FYN: variants seen among roughly 807,000 people sequenced by gnomAD.
The protein encoded by FYN is FYN proto-oncogene, Src family tyrosine kinase.
A neutral mutation model predicts 70.2 loss-of-function variants in FYN; 10 were observed. The observed-to-expected ratio is 0.14, with a 90% CI of 0.09 to 0.24. FYN has a LOEUF of 0.24. Among genes scored for constraint, FYN ranks in the 10% least tolerant of loss-of-function variants. The pLI is 1.00. For synonymous variants in FYN, 236 were observed against 248.6 expected (o/e 0.95, Z 0.48); for missense variants, 319 against 673.1 (o/e 0.47, Z 5.82).
At chr6:111,756,738 A>G (rs1297866874) in intron 3 of FYN, among the ~76,000 whole-genome samples, 1 of 152,232 alleles carries the variant, frequency 6.6e-6, no homozygotes, top group African/African-American at 2.4e-5. Flanking sequence ...CAATAGATAC[A>G]GAAAAGGCAC....
chr6:111,733,564 T>A (rs1265830978), intron 3 of FYN, among the ~76,000 whole-genome samples: 2 of 152,218 alleles, frequency 1.3e-5, no homozygotes, highest in African/African-American at 4.8e-5. Flanking sequence ...AGTAGCCCTG[T>A]GGCACAGAGC....
intron 1 of FYN, among the ~76,000 whole-genome samples, chr6:111,866,406 A>G (rs1774107317): frequency 1.3e-5 from 2 of 152,172 alleles, no homozygotes; most frequent in South Asian, 2.1e-4. Flanking sequence ...CAGTGGCACA[A>G]TCTCAGCTCA....
intron 1 of FYN, among the ~76,000 whole-genome samples, chr6:111,859,721 C>T (rs957020074): frequency 6.6e-6 from 1 of 152,138 alleles, no homozygotes; most frequent in Non-Finnish European, 1.5e-5. Context: ...TGAGTGACTG[C>T]TACTTTCTAT....
intron 6 of FYN, 112 bp downstream of exon 6, chr6:111,707,810 C>A (rs919360639): frequency 1.8e-5 from 14 of 799,832 alleles, no homozygotes; most frequent in Non-Finnish European, 2.7e-5. Flanking sequence ...AAAAACTCAG[C>A]CTTAATCACT....
rs1030740268 is a variant in FYN, at chr6:111,698,880, C to T, written c.862+1224G>A. On this transcript the variant is annotated intron_variant, in intron 9 of 13. Coordinates refer to ENST00000354650, the MANE Select transcript of FYN (RefSeq NM_002037.5). The stretch of plus-strand genomic sequence containing the variant: ...CTGGCAGACCACCAGGTCAGGAGAT[C>T]GAGACCATTCTGGCCAACATGGTGA... Among the ~76,000 whole-genome samples, 3 of 152,038 alleles carry T rather than the reference C, an allele frequency of 2.0e-5. No homozygotes were observed. In the South Asian group the frequency reaches 6.2e-4, roughly 32 times the overall value.
chr6:111,712,768 G>A (rs1438505986), intron 5 of FYN, among the ~76,000 whole-genome samples: 2 of 152,200 alleles, frequency 1.3e-5, no homozygotes, highest in East Asian at 3.8e-4. Context: ...ACAGGAGGAG[G>A]ACTCCTGGGG....
chr6:111,797,903 C>T (rs1196426119), intron 2 of FYN, among the ~76,000 whole-genome samples: 1 of 151,802 alleles, frequency 6.6e-6, no homozygotes, highest in East Asian at 1.9e-4. Context: ...GCTGGGACTA[C>T]AGGCATGTGC....
At chr6:111,735,318 A>C (rs1208892039) in intron 3 of FYN, among the ~76,000 whole-genome samples, 1 of 152,208 alleles carries the variant, frequency 6.6e-6, no homozygotes, top group Non-Finnish European at 1.5e-5. Context: ...GAGCTTGAGA[A>C]GCAGTCAGAA....
At chr6:111,706,140 A>T (rs1465211647) in intron 6 of FYN, among the ~76,000 whole-genome samples, 1 of 152,136 alleles carries the variant, frequency 6.6e-6, no homozygotes, top group Non-Finnish European at 1.5e-5. Context: ...GACTTTTGTT[A>T]TTTGCCTTAT....
intron 2 of FYN, among the ~76,000 whole-genome samples, chr6:111,810,109 C>G (rs1387582181): frequency 3.3e-5 from 5 of 152,158 alleles, no homozygotes; most frequent in African/African-American, 4.8e-5. Context: ...GCTTTGTAAT[C>G]TGAATCCTGT....
intron 3 of FYN, among the ~76,000 whole-genome samples, chr6:111,737,887 C>T (rs1440529873): frequency 6.6e-6 from 1 of 152,116 alleles, no homozygotes; most frequent in East Asian, 1.9e-4. Flanking sequence ...TCACTAATGG[C>T]CTCAAATTTT....
At chr6:111,777,595 C>A (rs1246002519) in intron 3 of FYN, among the ~76,000 whole-genome samples, 4 of 152,072 alleles carry the variant, frequency 2.6e-5, no homozygotes, top group African/African-American at 9.7e-5. Flanking sequence ...ACTGTGACAA[C>A]CCAAAATGGC....
intron 1 of FYN, among the ~76,000 whole-genome samples, chr6:111,849,587 G>C (rs1333742666): frequency 1.3e-5 from 2 of 152,168 alleles, no homozygotes; most frequent in Non-Finnish European, 2.9e-5. Flanking sequence ...GAGAAAGGTG[G>C]GAAGTAAGGC....
chr6:111,764,814 A>G (rs1013289420), intron 3 of FYN, among the ~76,000 whole-genome samples: 1 of 152,222 alleles, frequency 6.6e-6, no homozygotes, highest in African/African-American at 2.4e-5. Flanking sequence ...GTAAAAGGAA[A>G]GATGCTCTTT....
chr6:111,866,605 G>A (rs1011206775), intron 1 of FYN, among the ~76,000 whole-genome samples: 1 of 152,210 alleles, frequency 6.6e-6, no homozygotes, highest in Non-Finnish European at 1.5e-5. Context: ...GCTTCCCAAA[G>A]TGCTGGGATT....
chr6:111,721,129 A>ATCCATGTG (rs1260058673), intron 3 of FYN, among the ~76,000 whole-genome samples: 11 of 152,058 alleles, frequency 7.2e-5, no homozygotes, highest in Non-Finnish European at 1.5e-4. Context: ...CCTAGTTAAT[A>ATCCATGTG]AGGCACCGCT....
At chr6:111,808,115 A>C (rs1277396071) in intron 2 of FYN, among the ~76,000 whole-genome samples, 2 of 152,068 alleles carry the variant, frequency 1.3e-5, no homozygotes, top group Admixed American at 6.5e-5. Flanking sequence ...CTCAAAAAAA[A>C]CAAAAAACAA....
chr6:111,698,204 G>A (rs769405691), intron 9 of FYN, among the ~76,000 whole-genome samples: 33 of 151,974 alleles, frequency 2.2e-4, no homozygotes, highest in Middle Eastern at 3.4e-3. Context: ...TGCGATCTCC[G>A]CTCACCGCAA....
intron 12 of FYN, among the ~76,000 whole-genome samples, chr6:111,685,256 C>T (rs756600409): frequency 7.2e-5 from 11 of 152,198 alleles, no homozygotes; most frequent in African/African-American, 1.4e-4. Flanking sequence ...GCAGAGGGCC[C>T]GTGTCAGTCT....
Sources: allele counts gnomAD v4.1 joint callset (sites outside exome capture counted in the v4.1 genomes callset), GRCh38; gene constraint gnomAD v4.1.1; transcripts MANE v1.5; gene names NCBI Gene and HGNC (gene_info 2026-07-23, HGNC 2026-07-21).